Variants in IL1RAPL2 observed in about 807,000 individuals in gnomAD.
IL1RAPL2 encodes the protein interleukin 1 receptor accessory protein like 2.
Under a neutral mutation model 44.1 loss-of-function variants are expected in IL1RAPL2, and 3 were observed. The observed-to-expected ratio is 0.07, with a 90% CI of 0.03 to 0.18. IL1RAPL2 has a LOEUF of 0.18. Among genes scored for constraint, IL1RAPL2 ranks in the 10% least tolerant of loss-of-function variants. The pLI, the probability that IL1RAPL2 is intolerant of heterozygous loss-of-function variation, is 1.00. For missense variants in IL1RAPL2, 391 were observed against 496.4 expected (o/e 0.79, Z 2.02); for synonymous variants, 181 against 178.8 (o/e 1.01, Z -0.10).
intron 2 of IL1RAPL2, among the ~76,000 whole-genome samples, chrX:104,684,643 G>A (rs1930949762): frequency 8.9e-6 from 1 of 112,414 alleles, no homozygotes; most frequent in South Asian, 3.7e-4. Flanking sequence ...AGCAGCAAAT[G>A]CTTTAGGCTT....
intron 2 of IL1RAPL2, among the ~76,000 whole-genome samples, chrX:104,665,386 T>A (rs1252155686): frequency 1.8e-5 from 2 of 111,132 alleles, no homozygotes; most frequent in African/African-American, 3.3e-5. Context: ...ATTTTTTGGT[T>A]CTTGATTTTT....
chrX:105,591,576 C>T (rs1050670981), intron 6 of IL1RAPL2, among the ~76,000 whole-genome samples: 17 of 111,196 alleles, frequency 1.5e-4, no homozygotes, highest in East Asian at 2.8e-4. Flanking sequence ...TTCCTCTTAA[C>T]GCTGCTTTAG....
chrX:104,668,877 T>G (rs1930538342), intron 2 of IL1RAPL2, among the ~76,000 whole-genome samples: 1 of 110,654 alleles, frequency 9.0e-6, no homozygotes, highest in African/African-American at 3.3e-5. Context: ...ACACATTTAC[T>G]AAGCACCACC....
chrX:104,633,204 G>C (rs765206994), intron 1 of IL1RAPL2, among the ~76,000 whole-genome samples: 1 of 111,707 alleles, frequency 9.0e-6, no homozygotes, highest in South Asian at 3.8e-4. Context: ...CTTGATCATG[G>C]TGGATAAGCT....
At chrX:104,764,091 G>A (rs763794238) in intron 2 of IL1RAPL2, among the ~76,000 whole-genome samples, 2 of 110,616 alleles carry the variant, frequency 1.8e-5, no homozygotes, top group African/African-American at 3.3e-5. Flanking sequence ...TTCTATTTCT[G>A]TGAAGAATGT....
intron 2 of IL1RAPL2, among the ~76,000 whole-genome samples, chrX:104,954,142 A>G (rs996021526): frequency 8.9e-6 from 1 of 112,390 alleles, no homozygotes; most frequent in African/African-American, 3.2e-5. Context: ...AATGGTTGCA[A>G]AGAAAAACTG....
chrX:104,981,232 A>G (rs1476958966), intron 2 of IL1RAPL2, among the ~76,000 whole-genome samples: 1 of 110,247 alleles, frequency 9.1e-6, no homozygotes, highest in Non-Finnish European at 1.9e-5. Context: ...TTTGTGACCC[A>G]GGTAATCAGC....
intron 2 of IL1RAPL2, among the ~76,000 whole-genome samples, chrX:105,176,059 C>T (rs1221488772): frequency 2.7e-5 from 3 of 110,293 alleles, no homozygotes; most frequent in African/African-American, 9.9e-5. Context: ...AAAAGTAAAG[C>T]GTAATAGAAA....
intron 5 of IL1RAPL2, among the ~76,000 whole-genome samples, chrX:105,452,830 G>A (rs753391799): frequency 8.9e-6 from 1 of 112,169 alleles, no homozygotes; most frequent in African/African-American, 3.2e-5. Context: ...ACAAAAGAAT[G>A]AAAAATGAGA....
chrX:105,184,589 TTATAA>T (rs1418084185), intron 2 of IL1RAPL2, among the ~76,000 whole-genome samples: 1 of 109,948 alleles, frequency 9.1e-6, no homozygotes, highest in Non-Finnish European at 1.9e-5. Flanking sequence ...ATATAAGTTA[TTATAA>T]TATAGCATAT....
intron 6 of IL1RAPL2, among the ~76,000 whole-genome samples, chrX:105,653,371 G>A (rs1452848715): frequency 9.0e-6 from 1 of 111,587 alleles, no homozygotes. Context: ...CATCACAGAT[G>A]TATTATAAAA....
At chrX:105,147,822 A>G (rs970236012) in intron 2 of IL1RAPL2, among the ~76,000 whole-genome samples, 10 of 111,609 alleles carry the variant, frequency 9.0e-5, no homozygotes, top group Non-Finnish European at 1.9e-4. Context: ...AAGTTTTTAT[A>G]TAGACATATG....
intron 1 of IL1RAPL2, among the ~76,000 whole-genome samples, chrX:104,624,940 G>T (rs1378964996): frequency 9.0e-6 from 1 of 111,631 alleles, no homozygotes; most frequent in Non-Finnish European, 1.9e-5. Context: ...AATATGTCTT[G>T]TATTACCTCA....
intron 6 of IL1RAPL2, among the ~76,000 whole-genome samples, chrX:105,571,759 T>C (rs998899509): frequency 3.6e-5 from 4 of 111,484 alleles, no homozygotes; most frequent in Non-Finnish European, 3.8e-5. Flanking sequence ...ACTAAGCCTA[T>C]CAGATCTGTT....
intron 2 of IL1RAPL2, among the ~76,000 whole-genome samples, chrX:105,082,384 G>T (rs780789335): frequency 9.0e-6 from 1 of 111,103 alleles, no homozygotes; most frequent in Admixed American, 9.6e-5. Flanking sequence ...TTGTTAATCT[G>T]GCTAGCGGTC....
intron 6 of IL1RAPL2, among the ~76,000 whole-genome samples, chrX:105,596,827 T>G (rs1421757793): frequency 1.8e-5 from 2 of 111,558 alleles, no homozygotes; most frequent in African/African-American, 6.5e-5. Context: ...TCAAAATGCA[T>G]TAAAGACCTA....
At chrX:105,062,591 T>C (rs2032088847) in intron 2 of IL1RAPL2, among the ~76,000 whole-genome samples, 1 of 111,612 alleles carries the variant, frequency 9.0e-6, no homozygotes, top group Non-Finnish European at 1.9e-5. Context: ...ACTGAAGAAC[T>C]CCCTTTAGTA....
chrX:105,072,725 G>T (rs1265458068), intron 2 of IL1RAPL2, among the ~76,000 whole-genome samples: 1 of 110,684 alleles, frequency 9.0e-6, no homozygotes, highest in Admixed American at 9.6e-5. Context: ...GTGGCATGGT[G>T]CTTTGCTGCA....
intron 6 of IL1RAPL2, among the ~76,000 whole-genome samples, chrX:105,494,681 G>T (rs1481445704): frequency 9.0e-6 from 1 of 110,878 alleles, no homozygotes; most frequent in Non-Finnish European, 1.9e-5. Flanking sequence ...GGGGGTCAGG[G>T]TCTCGCTCTG....
Sources: allele counts gnomAD v4.1 joint callset (sites outside exome capture counted in the v4.1 genomes callset), GRCh38; gene constraint gnomAD v4.1.1; transcripts MANE v1.5; gene names NCBI Gene and HGNC (gene_info 2026-07-23, HGNC 2026-07-21).